PRR16: variants seen among roughly 807,000 people sequenced by gnomAD.
PRR16 encodes proline rich 16.
In PRR16, 6 loss-of-function variants were observed where a neutral mutation model predicts 18.2. That is an observed-to-expected ratio of 0.33 (90% CI 0.18 to 0.65). PRR16 has a LOEUF of 0.65. PRR16 is among the 30% of genes least tolerant of loss of function. PRR16 has a pLI of 0.74. For missense variants in PRR16, 412 were observed against 376.6 expected, an observed-to-expected ratio of 1.09 and a Z score of -0.78; for synonymous variants, 151 against 147.8, an observed-to-expected ratio of 1.02 and a Z score of -0.16.
intron 1 of PRR16, among the ~76,000 whole-genome samples, chr5:120,487,947 C>T (rs970523008): frequency 6.6e-6 from 1 of 152,062 alleles, no homozygotes; most frequent in African/African-American, 2.4e-5. Flanking sequence ...TGCTGGATTA[C>T]GTTTATTGAT....
chr5:120,756,188 T>C, the PRR16 span, among the ~76,000 whole-genome samples: 1 of 152,146 alleles, frequency 6.6e-6, no homozygotes, highest in African/African-American at 2.4e-5. Flanking sequence ...TCTGATTGTT[T>C]GCAGTAGGGG....
At chr5:120,601,558 C>T (rs1753982795) in intron 1 of PRR16, among the ~76,000 whole-genome samples, 1 of 151,834 alleles carries the variant, frequency 6.6e-6, no homozygotes, top group African/African-American at 2.4e-5. Context: ...TGCAGAGGTT[C>T]TTTAGTTTCT....
the PRR16 span, among the ~76,000 whole-genome samples, chr5:120,741,924 T>C: frequency 6.6e-6 from 1 of 152,180 alleles, no homozygotes. Flanking sequence ...ATAGATACTA[T>C]AAGATTTAGA....
At chr5:120,503,883 T>C in intron 1 of PRR16, among the ~76,000 whole-genome samples, 1 of 150,456 alleles carries the variant, frequency 6.6e-6, no homozygotes, top group East Asian at 2.0e-4. Flanking sequence ...AGTGAGAACA[T>C]GCAGTGTTTG....
At chr5:120,663,194 G>T (rs1042588848) in intron 1 of PRR16, among the ~76,000 whole-genome samples, 1 of 150,228 alleles carries the variant, frequency 6.7e-6, no homozygotes, top group Non-Finnish European at 1.5e-5. Flanking sequence ...ACCAAGTCAA[G>T]ATAAAACCCC....
intron 1 of PRR16, among the ~76,000 whole-genome samples, chr5:120,571,456 A>C (rs1396319895): frequency 1.3e-5 from 2 of 152,146 alleles, no homozygotes; most frequent in Non-Finnish European, 2.9e-5. Context: ...ACATTAGAGG[A>C]GGTTCAGATC....
chr5:120,793,785 A>G, the PRR16 span, among the ~76,000 whole-genome samples: 2 of 152,182 alleles, frequency 1.3e-5, no homozygotes, highest in Non-Finnish European at 2.9e-5. Context: ...TGATTTCATT[A>G]TTGTTCTAAC....
intron 1 of PRR16, among the ~76,000 whole-genome samples, chr5:120,682,630 G>A (rs1561614042): frequency 6.6e-6 from 1 of 152,116 alleles, no homozygotes; most frequent in Non-Finnish European, 1.5e-5. Flanking sequence ...TAACCTCCAG[G>A]TGAAATAGGA....
intron 1 of PRR16, among the ~76,000 whole-genome samples, chr5:120,602,913 C>G (rs1754032582): frequency 6.6e-6 from 1 of 152,038 alleles, no homozygotes; most frequent in African/African-American, 2.4e-5. Flanking sequence ...AGGGATAAAG[C>G]CTACTTAATC....
At chr5:120,602,521 T>G (rs1238834984) in intron 1 of PRR16, among the ~76,000 whole-genome samples, 2 of 152,166 alleles carry the variant, frequency 1.3e-5, no homozygotes, top group Non-Finnish European at 2.9e-5. Flanking sequence ...GAGAGATAGT[T>G]TGACTTCCTC....
chr5:120,546,535 T>C (rs1425953019), intron 1 of PRR16, among the ~76,000 whole-genome samples: 1 of 152,144 alleles, frequency 6.6e-6, no homozygotes, highest in Non-Finnish European at 1.5e-5. Context: ...AATTGATTGC[T>C]ATATAGTTTG....
chr5:120,536,526 A>G (rs1333262510), intron 1 of PRR16, among the ~76,000 whole-genome samples: 31 of 152,310 alleles, frequency 2.0e-4, no homozygotes, highest in South Asian at 6.2e-4. Context: ...AAAGTTAAGT[A>G]CACATATACA....
At chr5:120,685,083 C>G (rs1454978901) in intron 1 of PRR16, among the ~76,000 whole-genome samples, 1 of 152,226 alleles carries the variant, frequency 6.6e-6, no homozygotes, top group Admixed American at 6.5e-5. Context: ...TCTACCCTCT[C>G]TCAGAAGCAA....
At chr5:120,539,616 C>G (rs1751843595) in intron 1 of PRR16, among the ~76,000 whole-genome samples, 1 of 151,776 alleles carries the variant, frequency 6.6e-6, no homozygotes, top group South Asian at 2.1e-4. Flanking sequence ...CTGAGACATG[C>G]AATTTACCCA....
chr5:120,599,842 A>G (rs146460062), intron 1 of PRR16, among the ~76,000 whole-genome samples: 1 of 151,954 alleles, frequency 6.6e-6, no homozygotes, highest in African/African-American at 2.4e-5. Flanking sequence ...GATCTTAGGT[A>G]GATGGGTCAA....
At chr5:120,465,069 C>G (rs1018921629) in intron 1 of PRR16, among the ~76,000 whole-genome samples, 1 of 152,152 alleles carries the variant, frequency 6.6e-6, no homozygotes, top group Non-Finnish European at 1.5e-5. Context: ...GTCAGCCTCC[C>G]CAAGTCAGGG....
the PRR16 span, among the ~76,000 whole-genome samples, chr5:120,766,292 C>G: frequency 1.3e-5 from 2 of 151,998 alleles, no homozygotes; most frequent in South Asian, 2.1e-4. Context: ...TTTATCTATT[C>G]TAGAGTATGT....
the PRR16 span, among the ~76,000 whole-genome samples, chr5:120,787,631 C>G: frequency 6.6e-6 from 1 of 152,092 alleles, no homozygotes; most frequent in African/African-American, 2.4e-5. Flanking sequence ...ATAAAACGAT[C>G]TCTTAATTTA....
intron 1 of PRR16, among the ~76,000 whole-genome samples, chr5:120,542,111 T>G (rs920364936): frequency 1.3e-5 from 2 of 152,154 alleles, no homozygotes; most frequent in African/African-American, 4.8e-5. Context: ...TGTGTTATAT[T>G]TCTCAGGGGC....
Sources: gnomAD v4.1 joint callset for allele counts (sites outside exome capture counted in the v4.1 genomes callset) on GRCh38, gnomAD v4.1.1 for gene constraint, MANE v1.5 for transcripts, NCBI Gene and HGNC (gene_info 2026-07-23, HGNC 2026-07-21) for gene names.